The following ESRRG variants were observed in gnomAD, a reference collection of about 807,000 sequenced individuals.
ESRRG encodes estrogen-related receptor gamma.
A neutral mutation model predicts 44.0 loss-of-function variants in ESRRG; 13 were observed. The observed-to-expected ratio is 0.30, with a 90% CI of 0.19 to 0.47. The LOEUF (loss-of-function observed/expected upper bound fraction) is 0.47. Among genes scored for constraint, ESRRG ranks in the 20% least tolerant of loss-of-function variants. The probability of loss-of-function intolerance (pLI) is 1.00; values close to 1 mark genes in which losing one functional copy is unlikely to be tolerated. For missense variants in ESRRG, 395 were observed against 580.6 expected (o/e 0.68, Z 3.29); for synonymous variants, 215 against 214.6 (o/e 1.00, Z -0.02).
chr1:216,865,865 C>A (rs2149149311), intron 2 of ESRRG, among the ~76,000 whole-genome samples: 1 of 152,242 alleles, frequency 6.6e-6, no homozygotes, highest in African/African-American at 2.4e-5. Context: ...TCTTTTATAT[C>A]CATACCTAAT....
intron 1 of ESRRG, among the ~76,000 whole-genome samples, chr1:217,111,194 C>A (rs2092657948): frequency 6.6e-6 from 1 of 152,100 alleles, no homozygotes; most frequent in Non-Finnish European, 1.5e-5. Flanking sequence ...TCCCCCAGGG[C>A]CCCCCTTATC....
At chr1:216,804,263 C>T (rs1029379678) in intron 2 of ESRRG, among the ~76,000 whole-genome samples, 7 of 152,092 alleles carry the variant, frequency 4.6e-5, no homozygotes, top group Non-Finnish European at 1.5e-5. Context: ...CTAACAACCC[C>T]GGGCCGGCAG....
At chr1:216,529,292 A>G (rs1236504122) in intron 5 of ESRRG, among the ~76,000 whole-genome samples, 10 of 152,192 alleles carry the variant, frequency 6.6e-5, no homozygotes, top group Non-Finnish European at 1.0e-4. Context: ...GGATCACATT[A>G]TTTTGATATG....
intron 3 of ESRRG, among the ~76,000 whole-genome samples, chr1:216,608,979 C>A (rs10735490): frequency 0.8 from 121,665 of 152,134 alleles, 48,856 homozygotes; most frequent in Middle Eastern, 0.84. Flanking sequence ...TCTCCAGTAC[C>A]TATGAGCATC....
At chr1:216,867,162 A>G in intron 2 of ESRRG, among the ~76,000 whole-genome samples, 1 of 152,180 alleles carries the variant, frequency 6.6e-6, no homozygotes, top group Non-Finnish European at 1.5e-5. Context: ...TCTTTGCATT[A>G]TGCATATGGG....
At chr1:216,777,387 A>G (rs1372361295) in intron 2 of ESRRG, among the ~76,000 whole-genome samples, 1 of 152,128 alleles carries the variant, frequency 6.6e-6, no homozygotes, top group Non-Finnish European at 1.5e-5. Context: ...CTCTCTCAAC[A>G]AGAGCTAATG....
chr1:216,999,206 A>T (rs2076722278), intron 1 of ESRRG, among the ~76,000 whole-genome samples: 1 of 152,194 alleles, frequency 6.6e-6, no homozygotes, highest in South Asian at 2.1e-4. Flanking sequence ...CTAGGGGAAG[A>T]CAAGAGCTGA....
intron 2 of ESRRG, among the ~76,000 whole-genome samples, chr1:216,861,343 T>C (rs1026020334): frequency 2.0e-5 from 3 of 152,056 alleles, no homozygotes; most frequent in Non-Finnish European, 4.4e-5. Flanking sequence ...TATTGTATAT[T>C]TGTAAATAGC....
intron 1 of ESRRG, among the ~76,000 whole-genome samples, chr1:217,006,394 T>G (rs1055272792): frequency 6.6e-6 from 1 of 152,140 alleles, no homozygotes; most frequent in South Asian, 2.1e-4. Context: ...TTAAGTTATG[T>G]CTATATAGTA....
intron 5 of ESRRG, among the ~76,000 whole-genome samples, chr1:216,556,224 C>T (rs1372821188): frequency 6.7e-6 from 1 of 149,644 alleles, no homozygotes; most frequent in East Asian, 2.0e-4. Context: ...AGAAGAGTGC[C>T]AGAAAAAAAA....
intron 1 of ESRRG, among the ~76,000 whole-genome samples, chr1:216,993,039 C>T (rs989599138): frequency 6.6e-6 from 1 of 152,170 alleles, no homozygotes; most frequent in Admixed American, 6.5e-5. Context: ...TTTAGCTCTA[C>T]CAACCCGAAT....
intron 2 of ESRRG, among the ~76,000 whole-genome samples, chr1:216,783,989 C>T (rs934681262): frequency 1.3e-5 from 2 of 152,068 alleles, no homozygotes; most frequent in African/African-American, 4.8e-5. Flanking sequence ...GTGCCATGTA[C>T]TTGCTTTGCA....
intron 1 of ESRRG, among the ~76,000 whole-genome samples, chr1:217,100,311 C>T (rs980541474): frequency 3.9e-5 from 6 of 152,196 alleles, no homozygotes; most frequent in Non-Finnish European, 5.9e-5. Context: ...AAAAGCACAG[C>T]ATGCCAGGCT....
chr1:217,075,064 C>T (rs183081385), intron 1 of ESRRG, among the ~76,000 whole-genome samples: 21 of 152,318 alleles, frequency 1.4e-4, no homozygotes, highest in African/African-American at 4.1e-4. Context: ...GCTGAACCCA[C>T]GTACACGAAA....
chr1:216,923,357 C>A (rs2062073985), intron 2 of ESRRG, among the ~76,000 whole-genome samples: 1 of 152,166 alleles, frequency 6.6e-6, no homozygotes, highest in Admixed American at 6.5e-5. Context: ...ACTCCAAAAT[C>A]AAAATCATAG....
At chr1:216,525,375 G>A (rs2047329471) in intron 5 of ESRRG, among the ~76,000 whole-genome samples, 1 of 152,108 alleles carries the variant, frequency 6.6e-6, no homozygotes, top group Admixed American at 6.6e-5. Flanking sequence ...CTGAATGACT[G>A]GAGAGGATCT....
intron 5 of ESRRG, among the ~76,000 whole-genome samples, chr1:216,536,117 C>G (rs2050868640): frequency 6.6e-6 from 1 of 152,210 alleles, no homozygotes; most frequent in African/African-American, 2.4e-5. Context: ...TTCTTTTATG[C>G]CAATCCTTTT....
chr1:216,741,387 G>A (rs1452663086), intron 2 of ESRRG, among the ~76,000 whole-genome samples: 1 of 150,114 alleles, frequency 6.7e-6, no homozygotes, highest in Non-Finnish European at 1.5e-5. Flanking sequence ...GACCCCTCAG[G>A]CTAAAACACC....
At chr1:216,699,668 T>G (rs534641733) in intron 1 of ESRRG, among the ~76,000 whole-genome samples, 47 of 151,086 alleles carry the variant, frequency 3.1e-4, no homozygotes, top group African/African-American at 1.1e-3. Flanking sequence ...AAAAAAAAAA[T>G]GGAACGAGGG....
Sources: gnomAD v4.1 joint callset for allele counts (sites outside exome capture counted in the v4.1 genomes callset) on GRCh38, gnomAD v4.1.1 for gene constraint, MANE v1.5 for transcripts, NCBI Gene and HGNC (gene_info 2026-07-23, HGNC 2026-07-21) for gene names.